Variants in OPHN1 observed in about 807,000 individuals in gnomAD.
OPHN1 encodes oligophrenin-1.
A neutral mutation model predicts 60.7 loss-of-function variants in OPHN1; 11 were observed. That is an observed-to-expected ratio of 0.18 (90% CI 0.11 to 0.30). The LOEUF (loss-of-function observed/expected upper bound fraction) is 0.30. Among genes scored for constraint, OPHN1 ranks in the 10% least tolerant of loss-of-function variants. OPHN1 has a pLI of 1.00. For missense variants in OPHN1, 449 were observed against 611.0 expected, an observed-to-expected ratio of 0.73 and a Z score of 2.80; for synonymous variants, 226 against 222.6, an observed-to-expected ratio of 1.02 and a Z score of -0.14.
chrX:68,257,104 G>A (rs1337638481), intron 5 of OPHN1, among the ~76,000 whole-genome samples: 4 of 110,795 alleles, frequency 3.6e-5, no homozygotes, highest in East Asian at 2.8e-4. Flanking sequence ...ACTACAGTAC[G>A]GTGTAAATGT....
intron 19 of OPHN1, among the ~76,000 whole-genome samples, chrX:68,083,222 G>A (rs1022441362): frequency 3.8e-5 from 4 of 103,914 alleles, no homozygotes; most frequent in Non-Finnish European, 5.9e-5. Flanking sequence ...ACAGGCGCCC[G>A]CCACTGCGCC....
chrX:68,122,550 C>G (rs1167997373), intron 15 of OPHN1, among the ~76,000 whole-genome samples: 2 of 110,940 alleles, frequency 1.8e-5, no homozygotes, highest in African/African-American at 3.3e-5. Context: ...ACATATAAGA[C>G]AGAGAAATCA....
intron 19 of OPHN1, among the ~76,000 whole-genome samples, chrX:68,096,341 C>G (rs780713190): frequency 8.9e-6 from 1 of 111,839 alleles, no homozygotes; most frequent in East Asian, 2.8e-4. Flanking sequence ...TTTCATCAAA[C>G]TTAGTATAAA....
At chrX:68,081,447 T>C (rs1321831629) in intron 19 of OPHN1, among the ~76,000 whole-genome samples, 1 of 111,623 alleles carries the variant, frequency 9.0e-6, no homozygotes, top group Non-Finnish European at 1.9e-5. Context: ...AGGGTTGTTG[T>C]GATGGTTGAA....
chrX:68,265,640 T>C (rs1231941638), intron 5 of OPHN1, among the ~76,000 whole-genome samples: 46 of 111,920 alleles, frequency 4.1e-4, no homozygotes, highest in South Asian at 1.9e-3. Flanking sequence ...TCCAAAGGAA[T>C]GCAGCTCCTC....
chrX:68,136,291 C>CT (rs779712280), intron 15 of OPHN1, among the ~76,000 whole-genome samples: 898 of 64,020 alleles, frequency 0.014, 44 homozygotes, highest in African/African-American at 0.045. Context: ...AATATCTTTT[C>CT]TTTTTTTTTT....
chrX:68,098,672 C>T (rs2077046698), intron 18 of OPHN1, among the ~76,000 whole-genome samples: 1 of 111,514 alleles, frequency 9.0e-6, no homozygotes, highest in South Asian at 3.8e-4. Flanking sequence ...TTTCAATACC[C>T]CTGCAATTAA....
At chrX:68,314,896 G>A (rs1181471097) in intron 2 of OPHN1, among the ~76,000 whole-genome samples, 2 of 107,010 alleles carry the variant, frequency 1.9e-5, no homozygotes, top group Non-Finnish European at 3.8e-5. Context: ...TGAGGCAGGA[G>A]AACCGCTTGA....
intron 22 of OPHN1, among the ~76,000 whole-genome samples, chrX:68,053,284 G>T (rs1374253729): frequency 8.9e-6 from 1 of 112,383 alleles, no homozygotes; most frequent in Non-Finnish European, 1.9e-5. Context: ...GAATGAATCT[G>T]TTCATTAAAT....
chrX:68,051,049 C>T (rs1480326987), intron 23 of OPHN1, among the ~76,000 whole-genome samples: 1 of 111,825 alleles, frequency 8.9e-6, no homozygotes, highest in African/African-American at 3.3e-5. Context: ...AGGTGGCTCA[C>T]TGACAATCAG....
chrX:68,180,310 T>G (rs1027873285), intron 15 of OPHN1, among the ~76,000 whole-genome samples: 1 of 111,999 alleles, frequency 8.9e-6, no homozygotes, highest in Non-Finnish European at 1.9e-5. Flanking sequence ...GGGTGAATTT[T>G]CACTACGCTT....
At chrX:68,379,942 A>G (rs1261643062) in intron 2 of OPHN1, among the ~76,000 whole-genome samples, 1 of 110,063 alleles carries the variant, frequency 9.1e-6, no homozygotes, top group Non-Finnish European at 1.9e-5. Context: ...CTGGCCTCAT[A>G]AAATGAGTTA....
Position 68,096,857 on chromosome X carries a change from A to G in OPHN1, c.1686+13T>C. ...TGTTTGGAAGACAGGTAGTGAGAAT[A>G]GAAAATGCATACCTTGCCAAAGTGC... On this transcript the variant is annotated intron_variant, in intron 19 of 24. Transcript: ENST00000355520. 3 of 1,208,422 alleles carry G rather than the reference A, an allele frequency of 2.5e-6. No homozygotes were observed. The highest frequency in any genetic ancestry group is 3.4e-6 in the Non-Finnish European group (3 of 893,225).
intron 2 of OPHN1, among the ~76,000 whole-genome samples, chrX:68,329,931 AG>A (rs986055984): frequency 1.8e-5 from 2 of 111,945 alleles, no homozygotes; most frequent in African/African-American, 6.5e-5. Context: ...CTTTATATTG[AG>A]AACACATATG....
chrX:68,342,255 G>A (rs1023728785), intron 2 of OPHN1, among the ~76,000 whole-genome samples: 24 of 111,568 alleles, frequency 2.2e-4, no homozygotes, highest in African/African-American at 7.8e-4. Flanking sequence ...ACAGGTGTGT[G>A]CTACCACGCC....
intron 15 of OPHN1, among the ~76,000 whole-genome samples, chrX:68,185,558 G>C (rs923151402): frequency 5.4e-5 from 6 of 111,145 alleles, no homozygotes; most frequent in African/African-American, 2.0e-4. Flanking sequence ...CTGGCTACTT[G>C]TATCTAGAAG....
At chrX:68,361,676 C>G (rs2078473632) in intron 2 of OPHN1, among the ~76,000 whole-genome samples, 2 of 110,845 alleles carry the variant, frequency 1.8e-5, no homozygotes, top group South Asian at 7.6e-4. Context: ...GATAGATACT[C>G]GAGCTGATTA....
At chrX:68,295,792 C>A (rs1406203173) in intron 3 of OPHN1, among the ~76,000 whole-genome samples, 1 of 112,194 alleles carries the variant, frequency 8.9e-6, no homozygotes, top group Non-Finnish European at 1.9e-5. Flanking sequence ...CTAGGAAGCA[C>A]TGTCATTTCT....
intron 15 of OPHN1, among the ~76,000 whole-genome samples, chrX:68,128,275 G>A (rs12394998): frequency 9.1e-6 from 1 of 110,351 alleles, no homozygotes; most frequent in Non-Finnish European, 1.9e-5. Context: ...GGCTGGTCTA[G>A]AACTCCTGGG....
Sources: allele counts gnomAD v4.1 joint callset (sites outside exome capture counted in the v4.1 genomes callset), GRCh38; gene constraint gnomAD v4.1.1; transcripts MANE v1.5; gene names NCBI Gene and HGNC (gene_info 2026-07-23, HGNC 2026-07-21).